The following STAMBP variants were observed in gnomAD, a reference collection of about 807,000 sequenced individuals.
STAMBP encodes the protein STAM-binding protein.
A neutral mutation model predicts 50.7 loss-of-function variants in STAMBP; 31 were observed. The ratio of observed to expected loss-of-function variants is 0.61; its 90% CI spans 0.46 to 0.83. The LOEUF is 0.83. Among genes scored for constraint, STAMBP ranks in the 40% least tolerant of loss-of-function variants. STAMBP has a pLI of 0.00. For missense variants in STAMBP, 472 were observed against 518.9 expected (o/e 0.91, Z 0.88); for synonymous variants, 211 against 192.4 (o/e 1.10, Z -0.80).
chr2:73,850,344 G>C lies in STAMBP; in HGVS notation c.868-32G>C. 6.3e-7 allele frequency: 1 copy of C among 1,588,884 alleles called. No individual in the cohort carries two copies. Among genetic ancestry groups the C allele is most frequent in the Non-Finnish European group, 8.6e-7 (1 of 1,166,820 alleles). ...GGAGCAGGGTTGCATGAGCACCAGG[G>C]AATTGTGACCAGCTGTTTTCTCCTT... On this transcript the variant is annotated intron_variant, in intron 6 of 9. Coordinates refer to ENST00000394070, the MANE Select transcript of STAMBP (RefSeq NM_213622.4). This position sits in a 1 kb window ranked among gnomAD's most constrained non-coding sequence, Gnocchi z 4.3.
intron 4 of STAMBP, among the ~76,000 whole-genome samples, chr2:73,846,929 A>T (rs1333051817): frequency 6.6e-6 from 1 of 151,938 alleles, no homozygotes; most frequent in African/African-American, 2.4e-5. Context: ...AAAAAATACA[A>T]AAATTAGCCA....
At chr2:73,845,914 G>A (rs1419642614) in intron 4 of STAMBP, among the ~76,000 whole-genome samples, 4 of 152,222 alleles carry the variant, frequency 2.6e-5, no homozygotes, top group Non-Finnish European at 5.9e-5. Context: ...TTACAGGCGT[G>A]AGCCGCTGCA....
chr2:73,857,283 C>T (rs1327234881), intron 7 of STAMBP, among the ~76,000 whole-genome samples: 1 of 152,142 alleles, frequency 6.6e-6, no homozygotes, highest in Non-Finnish European at 1.5e-5. Context: ...AGTCCTTCAT[C>T]CAACCAGGAA....
Position 73,849,505 on chromosome 2 carries a change from A to AT in STAMBP, c.867+18_867+19insT. On this transcript the variant is annotated intron_variant, in intron 6 of 9. Coordinates refer to ENST00000394070, the MANE Select transcript of STAMBP (RefSeq NM_213622.4). The stretch of plus-strand genomic sequence containing the variant: ...GAAAACTGGTAAAAAGAAAAAAAAA[A>AT]CCAAACTCTTCTCTGAACCGAAACT... 6.3e-7 allele frequency: 1 copy of AT among 1,575,368 alleles called. No homozygotes were observed. The highest frequency in any genetic ancestry group is 8.6e-7 in the Non-Finnish European group (1 of 1,166,408).
intron 2 of STAMBP, among the ~76,000 whole-genome samples, chr2:73,836,065 C>G (rs1021954920): frequency 6.6e-6 from 1 of 151,446 alleles, no homozygotes; most frequent in Non-Finnish European, 1.5e-5. Flanking sequence ...CGCTGTTTTT[C>G]TAAAAATACG....
At chr2:73,870,492 C>G (rs935842245), downstream of STAMBP, 2 of 152,198 alleles carry the variant, frequency 1.3e-5, no homozygotes, top group African/African-American at 4.8e-5. Flanking sequence ...CTTTTCCCAA[C>G]CTCAGCCTCC....
chr2:73,858,193 A>T (rs1573389092), intron 7 of STAMBP, among the ~76,000 whole-genome samples: 1 of 131,488 alleles, frequency 7.6e-6, no homozygotes, highest in Non-Finnish European at 1.6e-5. Flanking sequence ...TTTAGTAGAG[A>T]CAGGGTTTCA....
chr2:73,846,717 A>G (rs558791827), intron 4 of STAMBP, among the ~76,000 whole-genome samples: 1 of 152,272 alleles, frequency 6.6e-6, no homozygotes, highest in Admixed American at 6.5e-5. Context: ...AATATAGAAT[A>G]TGTACATGAC....
At chr2:73,871,547 CA>C (rs547524111), downstream of STAMBP, among the ~76,000 whole-genome samples, 467 of 89,040 alleles carry the variant, frequency 5.2e-3, no homozygotes, top group Middle Eastern at 8.1e-3. Context: ...GACTCCGTCT[CA>C]AAAAAAAAAA....
chr2:73,859,393 T>G, intron 8 of STAMBP, 27 bp downstream of exon 8: 1 of 1,579,148 alleles, frequency 6.3e-7, no homozygotes, highest in Non-Finnish European at 8.7e-7. Flanking sequence ...TGGTTCTGGG[T>G]GTTTCAAGGG....
At chr2:73,861,062 C>A (rs1015992033) in intron 9 of STAMBP, among the ~76,000 whole-genome samples, 1 of 152,132 alleles carries the variant, frequency 6.6e-6, no homozygotes, top group Non-Finnish European at 1.5e-5. Context: ...CTTGGAATGT[C>A]TAAGTACTAG....
chr2:73,854,540 A>G (rs1230537917), intron 7 of STAMBP, among the ~76,000 whole-genome samples: 1 of 152,206 alleles, frequency 6.6e-6, no homozygotes, highest in Non-Finnish European at 1.5e-5. Flanking sequence ...CACAGGCACA[A>G]TCATACTGCA....
chr2:73,852,574 G>A (rs1376133007), intron 7 of STAMBP, among the ~76,000 whole-genome samples: 1 of 152,154 alleles, frequency 6.6e-6, no homozygotes, highest in Non-Finnish European at 1.5e-5. Context: ...TGGGGGACAG[G>A]CTACCTAATG....
Position 73,866,026 on chromosome 2 carries a change from T to C in STAMBP, c.*3767T>C, listed in dbSNP as rs548450729. On this transcript the variant is annotated 3_prime_UTR_variant, in exon 10 of 10. Transcript: ENST00000394070. ...ATTTTCCCTTGGCTCCAGCCCACTC[T>C]TGTTTGAACCTCCCACTTTTGTTGT... 1.3e-5 allele frequency: 2 copies of C among 152,424 alleles called. No homozygotes were observed. Among genetic ancestry groups the C allele is most frequent in the Non-Finnish European group, 2.9e-5 (2 of 68,076 alleles). The allele number at this position is 152,424 out of a possible 1,614,324, so 9.4% of individuals were successfully genotyped here.
At chr2:73,859,216 C>G in intron 7 of STAMBP, 38 bp from the exon 8 acceptor site, 1 of 1,544,320 alleles carries the variant, frequency 6.5e-7, no homozygotes. Context: ...TACCATATAT[C>G]CTCGCTAAGA....
chr2:73,872,806 T>C (rs559644324), intron 10 of STAMBP, among the ~76,000 whole-genome samples: 10 of 152,124 alleles, frequency 6.6e-5, no homozygotes, highest in African/African-American at 2.4e-4. Context: ...GTGTAAAATA[T>C]GAGAAAGAGA....
chr2:73,853,824 A>G (rs774583919), intron 7 of STAMBP, among the ~76,000 whole-genome samples: 52 of 152,216 alleles, frequency 3.4e-4, no homozygotes, highest in Non-Finnish European at 6.2e-4. Flanking sequence ...AGGAGCATGC[A>G]TGCCCTAAGG....
intron 2 of STAMBP, among the ~76,000 whole-genome samples, chr2:73,835,029 A>G (rs923707158): frequency 2.6e-5 from 4 of 152,116 alleles, no homozygotes; most frequent in African/African-American, 9.7e-5. Context: ...CAAGCCATTG[A>G]AAAGTTTTAA....
At chr2:73,848,175 T>A (rs1008372580) in intron 5 of STAMBP, among the ~76,000 whole-genome samples, 6 of 152,116 alleles carry the variant, frequency 3.9e-5, no homozygotes, top group South Asian at 2.1e-4. Context: ...TTTTTTTTTT[T>A]AAATATGAAA....
Sources: gnomAD v4.1 joint callset for allele counts (sites outside exome capture counted in the v4.1 genomes callset) on GRCh38, gnomAD v4.1.1 for gene constraint, Gnocchi (gnomAD v3.1) non-coding constraint, MANE v1.5 for transcripts, NCBI Gene and HGNC (gene_info 2026-07-23, HGNC 2026-07-21) for gene names.